FGFR1OP2: variants seen among roughly 807,000 people sequenced by gnomAD.
The protein encoded by FGFR1OP2 is FGFR1 oncogene partner 2.
FGFR1OP2 carries 17 observed loss-of-function variants against 35.2 expected under a neutral mutation model. That is an observed-to-expected ratio of 0.48 (90% CI 0.33 to 0.73). The LOEUF (loss-of-function observed/expected upper bound fraction) is 0.73. Among genes scored for constraint, FGFR1OP2 ranks in the 30% least tolerant of loss-of-function variants. The pLI is 0.02. For synonymous variants in FGFR1OP2, 105 were observed against 104.6 expected (o/e 1.00, Z -0.03); for missense variants, 251 against 307.3 (o/e 0.82, Z 1.37).
At chr12:26,952,863 T>C (rs1229120469) in intron 1 of FGFR1OP2, among the ~76,000 whole-genome samples, 1 of 152,200 alleles carries the variant, frequency 6.6e-6, no homozygotes, top group East Asian at 1.9e-4. Context: ...ATTTAACTTC[T>C]GTAGACGTGG....
At chr12:26,958,448 C>A (rs1017757974) in intron 4 of FGFR1OP2, among the ~76,000 whole-genome samples, 1 of 151,930 alleles carries the variant, frequency 6.6e-6, no homozygotes, top group Non-Finnish European at 1.5e-5. Context: ...TAATGGAAAC[C>A]TTTTTTAAAA....
Position 26,964,656 on chromosome 12 carries a change from A to C in FGFR1OP2, c.685A>C (p.Arg229=), listed in dbSNP as rs201577614. 1 of 1,613,026 alleles carries C rather than the reference A, an allele frequency of 6.2e-7. No individual in the cohort carries two copies. The highest frequency in any genetic ancestry group is 1.3e-5 in the African/African-American group (1 of 75,026). ...AACTCGAGAATCATTTTTGAACCTA[A>C]GGAAAGATGATGCGTCGGAAAGTAC... ...QITRESFLNL[R]KDDASESTSL... is the part of the protein sequence containing the mutation. Residue 229 remains arginine (R), a synonymous_variant, in exon 7 of 7, where the codon AGG becomes CGG. Coordinates refer to ENST00000229395, the MANE Select transcript of FGFR1OP2 (RefSeq NM_015633.3).
chr12:26,959,246 A>G (rs1012261592), intron 4 of FGFR1OP2, among the ~76,000 whole-genome samples: 32 of 152,086 alleles, frequency 2.1e-4, no homozygotes, highest in Non-Finnish European at 4.1e-4. Context: ...ATGGCAATCC[A>G]GGGATGTTTA....
intron 4 of FGFR1OP2, among the ~76,000 whole-genome samples, chr12:26,959,498 G>A (rs1052343985): frequency 3.9e-5 from 6 of 152,216 alleles, no homozygotes; most frequent in Admixed American, 1.3e-4. Flanking sequence ...TACAAAAAAA[G>A]TGCTTAGAAT....
intron 2 of FGFR1OP2, among the ~76,000 whole-genome samples, chr12:26,955,606 C>T (rs574707832): frequency 6.6e-6 from 1 of 152,276 alleles, no homozygotes; most frequent in East Asian, 1.9e-4. Context: ...GGCTTCTTAA[C>T]ATAATGTTTT....
At chr12:26,946,445 C>T (rs948580693) in intron 1 of FGFR1OP2, among the ~76,000 whole-genome samples, 1 of 152,106 alleles carries the variant, frequency 6.6e-6, no homozygotes, top group Non-Finnish European at 1.5e-5. Flanking sequence ...CAGCTAGCTG[C>T]GACTGCAGGT....
chr12:26,956,839 T>C (rs1939029611), intron 3 of FGFR1OP2, among the ~76,000 whole-genome samples, 179 bp downstream of exon 3: 1 of 148,432 alleles, frequency 6.7e-6, no homozygotes, highest in African/African-American at 2.5e-5. Flanking sequence ...CCAGCTTCAT[T>C]CTCTGCAGTC....
Position 26,963,437 on chromosome 12 carries a change from A to T in FGFR1OP2, c.606A>T (p.Glu202Asp). Reference sequence around the variant, plus strand: ...AGCAACAGGGTTGCAAGGAACAAGAACGAATATTTCAACTTGAAGTAAGTT... The same window carrying T: ...AGCAACAGGGTTGCAAGGAACAAGATCGAATATTTCAACTTGAAGTAAGTT... ...IDEQQGCKEQ[E>D]RIFQLEQENK... The change falls in exon 6 of 7, where the codon GAA becomes GAT. Residue 202 changes from glutamate to aspartate, a missense_variant. By Grantham distance (45) the Glu-to-Asp change is conservative. Transcript: ENST00000229395. 6.2e-7 allele frequency: 1 copy of T among 1,603,714 alleles called. No individual in the cohort carries two copies. The highest frequency in any genetic ancestry group is 8.5e-7 in the Non-Finnish European group (1 of 1,173,818).
At chr12:26,960,493 T>G (rs1183077102) in intron 4 of FGFR1OP2, 22 bp from the exon 5 acceptor site, 2 of 1,552,018 alleles carry the variant, frequency 1.3e-6, no homozygotes, top group African/African-American at 1.4e-5. Flanking sequence ...CGTATTAACA[T>G]TATAATGACT....
chr12:26,956,492 A>C, intron 2 of FGFR1OP2, 51 bp from the exon 3 acceptor site: 1 of 401,782 alleles, frequency 2.5e-6, no homozygotes, highest in Non-Finnish European at 4.2e-6. Context: ...ATATATATAT[A>C]TATATATATT....
intron 6 of FGFR1OP2, 34 bp from the exon 7 acceptor site, chr12:26,964,562 A>AGT: frequency 6.2e-7 from 1 of 1,602,738 alleles, no homozygotes; most frequent in South Asian, 1.1e-5. Flanking sequence ...CCTTGTAGAT[A>AGT]GTGACTGCAT....
chr12:26,953,255 G>A (rs1377881191), intron 1 of FGFR1OP2, among the ~76,000 whole-genome samples: 11 of 126,566 alleles, frequency 8.7e-5, no homozygotes, highest in East Asian at 4.5e-4. Context: ...GCGACAGAGC[G>A]AGACTGTGTC....
chr12:26,943,551 G>T (rs1328001068), intron 1 of FGFR1OP2, among the ~76,000 whole-genome samples: 2 of 152,056 alleles, frequency 1.3e-5, no homozygotes, highest in Non-Finnish European at 2.9e-5. Context: ...TCGGCTGGGT[G>T]CAGTGGCTCA....
intron 1 of FGFR1OP2, among the ~76,000 whole-genome samples, chr12:26,953,312 G>T (rs1480075674): frequency 6.6e-6 from 1 of 150,990 alleles, no homozygotes; most frequent in African/African-American, 2.4e-5. Flanking sequence ...ATTTCAAGGA[G>T]GGTAAGTGTA....
intron 1 of FGFR1OP2, among the ~76,000 whole-genome samples, chr12:26,947,397 A>G (rs1938846356): frequency 6.6e-6 from 1 of 152,068 alleles, no homozygotes; most frequent in Non-Finnish European, 1.5e-5. Flanking sequence ...TTTGTACAGT[A>G]TATCCTCTTT....
chr12:26,959,762 G>T (rs1161404519), intron 4 of FGFR1OP2, among the ~76,000 whole-genome samples: 2 of 152,072 alleles, frequency 1.3e-5, no homozygotes, highest in Non-Finnish European at 2.9e-5. Context: ...ACATATTAAT[G>T]TTTGTGATTT....
At position 26,953,385 on chromosome 12, in the gene FGFR1OP2, G is replaced by T. The variant is rs185919362; in HGVS notation, c.-14-760G>T. On this transcript the variant is annotated intron_variant, in intron 1 of 6. Coordinates refer to ENST00000229395, the MANE Select transcript of FGFR1OP2 (RefSeq NM_015633.3). ...TAAAATTATTAAAATTTTGTTTGAG[G>T]TTTCTACATACCAGTTGAAGAAGCT... is the stretch of plus-strand genomic sequence containing the variant. Among the ~76,000 whole-genome samples, 6 of 151,854 alleles carry T rather than the reference G, an allele frequency of 4.0e-5. No homozygotes were observed. In the East Asian group the frequency reaches 1.2e-3, roughly 29 times the overall value.
At chr12:26,957,259 C>G (rs1249621397) in intron 3 of FGFR1OP2, among the ~76,000 whole-genome samples, 1 of 152,150 alleles carries the variant, frequency 6.6e-6, no homozygotes, top group Non-Finnish European at 1.5e-5. Flanking sequence ...CCATAGACAT[C>G]TCTTAAATCT....
chr12:26,964,639 A>T lies in FGFR1OP2; in HGVS notation c.668A>T (p.Glu223Val). Residue 223 changes from glutamate to valine, a missense_variant, in exon 7 of 7, where the codon GAA becomes GTA. By Grantham distance (121) the Glu-to-Val change is moderately radical (BLOSUM62 -2). Transcript: ENST00000229395. ...GLREILQITR[E>V]SFLNLRKDDA... The stretch of plus-strand genomic sequence containing the variant: ...AGAGAGATCCTTCAAATAACTCGAG[A>T]ATCATTTTTGAACCTAAGGAAAGAT... The T allele has an allele frequency of 6.2e-7, 1 of 1,613,176 alleles. No individual in the cohort carries two copies. Among genetic ancestry groups the T allele is most frequent in the Non-Finnish European group, 8.5e-7 (1 of 1,179,486 alleles).
Sources: allele counts gnomAD v4.1 joint callset (sites outside exome capture counted in the v4.1 genomes callset), GRCh38; gene constraint gnomAD v4.1.1; transcripts MANE v1.5; gene names NCBI Gene and HGNC (gene_info 2026-07-23, HGNC 2026-07-21).